Variants in MBOAT2 observed in about 807,000 individuals in gnomAD.
MBOAT2 encodes membrane bound glycerophospholipid O-acyltransferase 2.
MBOAT2 carries 28 observed loss-of-function variants against 63.4 expected under a neutral mutation model. The ratio of observed to expected loss-of-function variants is 0.44; its 90% CI spans 0.33 to 0.61. The LOEUF is 0.61. Among genes scored for constraint, MBOAT2 ranks in the 20% least tolerant of loss-of-function variants. The pLI is 0.03. For missense variants in MBOAT2, 470 were observed against 605.8 expected, an observed-to-expected ratio of 0.78 and a Z score of 2.35; for synonymous variants, 211 against 215.6, an observed-to-expected ratio of 0.98 and a Z score of 0.19.
intron 1 of MBOAT2, among the ~76,000 whole-genome samples, chr2:8,970,213 A>T (rs1446441422): frequency 6.6e-6 from 1 of 152,240 alleles, no homozygotes; most frequent in Non-Finnish European, 1.5e-5. Flanking sequence ...AGCATTAAGA[A>T]ACTCACTCAA....
intron 1 of MBOAT2, among the ~76,000 whole-genome samples, chr2:8,964,354 T>C (rs529588555): frequency 1.3e-5 from 2 of 152,154 alleles, no homozygotes; most frequent in South Asian, 2.1e-4. Flanking sequence ...CTGACATTTA[T>C]CTATGTTGAT....
At chr2:8,909,990 T>C (rs1665596820) in intron 3 of MBOAT2, among the ~76,000 whole-genome samples, 1 of 152,230 alleles carries the variant, frequency 6.6e-6, no homozygotes, top group Non-Finnish European at 1.5e-5. Flanking sequence ...GCTGGCCTTC[T>C]AACTGCACAG....
chr2:8,936,585 C>T (rs961787071), intron 3 of MBOAT2, among the ~76,000 whole-genome samples: 4 of 151,872 alleles, frequency 2.6e-5, no homozygotes, highest in African/African-American at 9.7e-5. Flanking sequence ...AGTTCAAGAC[C>T]AGCCTGGCCA....
intron 2 of MBOAT2, 97 bp downstream of exon 2, chr2:8,958,400 T>C: frequency 5.8e-6 from 7 of 1,211,588 alleles, no homozygotes; most frequent in Non-Finnish European, 7.6e-6. Flanking sequence ...TAAGTAAATA[T>C]AAGAACAAAA....
chr2:8,939,329 C>T (rs1476199523), intron 3 of MBOAT2, among the ~76,000 whole-genome samples: 3 of 152,310 alleles, frequency 2.0e-5, no homozygotes, highest in African/African-American at 4.8e-5. Flanking sequence ...TCCGAAGCCC[C>T]GACAAGGTGG....
intron 2 of MBOAT2, among the ~76,000 whole-genome samples, chr2:8,945,642 C>G (rs1365303987): frequency 1.3e-5 from 2 of 152,156 alleles, no homozygotes; most frequent in Non-Finnish European, 2.9e-5. Context: ...CTGGCTGATT[C>G]TCTAAGGAAT....
At chr2:8,993,137 T>C (rs1672032524) in intron 1 of MBOAT2, among the ~76,000 whole-genome samples, 1 of 152,228 alleles carries the variant, frequency 6.6e-6, no homozygotes, top group Admixed American at 6.5e-5. Context: ...AAGCTTCTTT[T>C]TCCAACCACA....
At chr2:8,949,636 C>T (rs1668675297) in intron 2 of MBOAT2, among the ~76,000 whole-genome samples, 1 of 152,016 alleles carries the variant, frequency 6.6e-6, no homozygotes, top group Admixed American at 6.5e-5. Flanking sequence ...ATTTTGTTGA[C>T]AATTAGATGG....
chr2:8,952,005 G>A (rs556303016), intron 2 of MBOAT2, among the ~76,000 whole-genome samples: 2 of 152,028 alleles, frequency 1.3e-5, no homozygotes, highest in African/African-American at 4.8e-5. Flanking sequence ...AGTTCCTCTA[G>A]GTGTGATGTT....
chr2:8,912,363 A>AAG (rs1329243077), intron 3 of MBOAT2, among the ~76,000 whole-genome samples: 1,728 of 93,896 alleles, frequency 0.018, 6 homozygotes, highest in Non-Finnish European at 0.023. Flanking sequence ...GAAAGAAAGA[A>AAG]AGAAAGAAAG....
intron 3 of MBOAT2, among the ~76,000 whole-genome samples, chr2:8,924,159 C>A (rs2148613621): frequency 6.6e-6 from 1 of 152,314 alleles, no homozygotes; most frequent in East Asian, 1.9e-4. Flanking sequence ...CAGCACAAGA[C>A]AGCCATGCCA....
rs535356616 is a variant in MBOAT2 at position 8,882,372 on chromosome 2, G to C, written c.506+139C>G. 5.0e-6 allele frequency: 4 copies of C among 795,766 alleles called. No homozygotes were observed. The South Asian group carries it at 5.3e-5, about 11-fold the overall frequency. 49.3% of individuals were successfully genotyped at this position (795,766 alleles called of 1,614,324 possible). A position where few individuals can be genotyped will look rare whatever the true frequency, so the allele number is the denominator to read the frequency against. Reference sequence around the variant, plus strand: ...CTGCCCAGCAGGCTTTGGCAGGAGGGAAGTGCATGGAGAGAGTGAGGCTTG... The same window carrying C: ...CTGCCCAGCAGGCTTTGGCAGGAGGCAAGTGCATGGAGAGAGTGAGGCTTG... On this transcript the variant is annotated intron_variant, in intron 6 of 12. Coordinates refer to ENST00000305997, the MANE Select transcript of MBOAT2 (RefSeq NM_138799.4).
chr2:8,901,023 C>T (rs1664881634), intron 4 of MBOAT2, among the ~76,000 whole-genome samples: 1 of 152,140 alleles, frequency 6.6e-6, no homozygotes, highest in African/African-American at 2.4e-5. Flanking sequence ...AAGACAAAAC[C>T]ACCCATGGTT....
At chr2:8,878,708 G>T (rs1662882835) in intron 6 of MBOAT2, among the ~76,000 whole-genome samples, 1 of 152,198 alleles carries the variant, frequency 6.6e-6, no homozygotes, top group African/African-American at 2.4e-5. Flanking sequence ...CTGTCCATCT[G>T]ATACTATCTG....
intron 1 of MBOAT2, among the ~76,000 whole-genome samples, chr2:8,971,084 T>C (rs1236347599): frequency 6.6e-6 from 1 of 152,156 alleles, no homozygotes; most frequent in Non-Finnish European, 1.5e-5. Flanking sequence ...TTTAGACCAA[T>C]ATCCCTGATG....
Position 9,003,552 on chromosome 2 carries a change from C to T in MBOAT2, c.63G>A (p.Leu21=). 1 of 1,225,136 alleles carries T rather than the reference C, an allele frequency of 8.2e-7. No homozygotes were observed. The allele number at this position is 1,225,136 out of a possible 1,614,324, so 75.9% of individuals were successfully genotyped here. ...CGCCTCGGGGTACCTGGTCGATGGGCAGCTGCACGGCGTTGCTGAGGGGCT... is the reference window on the plus strand; with the variant it reads ...CGCCTCGGGGTACCTGGTCGATGGGTAGCTGCACGGCGTTGCTGAGGGGCT... ...LLQPLSNAVQ[L]PIDQVNFVVC... is the part of the protein sequence containing the mutation. Residue 21 remains leucine (L), a synonymous_variant, in exon 1 of 13, where the codon CTG becomes CTA. Transcript: ENST00000305997. The surrounding 1 kb of genome is among the most constrained non-coding windows in gnomAD (Gnocchi z 5.4).
chr2:8,906,121 T>C (rs1256022675), intron 4 of MBOAT2, among the ~76,000 whole-genome samples: 2 of 152,090 alleles, frequency 1.3e-5, no homozygotes, highest in Non-Finnish European at 2.9e-5. Context: ...ACCATGCCTA[T>C]TTAATTTTTT....
At position 8,922,812 on chromosome 2, in the gene MBOAT2, C is replaced by T. The variant is rs116820839; in HGVS notation, c.300-14096G>A. ...GAGATCTTATCAAGTCCCTTGATGG[C>T]TCTCTCACTTCCAAGATCTCCCTGT... On this transcript the variant is annotated intron_variant, in intron 3 of 12. Coordinates refer to ENST00000305997, the MANE Select transcript of MBOAT2 (RefSeq NM_138799.4). Among the ~76,000 whole-genome samples the T allele has an allele frequency of 6.1e-3, 931 of 152,282 alleles. 9 individuals carry two copies. Among genetic ancestry groups the T allele is most frequent in the African/African-American group, 0.021 (876 of 41,548 alleles).
At chr2:9,002,866 G>A (rs1194555859) in intron 1 of MBOAT2, among the ~76,000 whole-genome samples, 6 of 152,146 alleles carry the variant, frequency 3.9e-5, no homozygotes, top group African/African-American at 9.7e-5. Context: ...AATCTACAAG[G>A]TTGCCACTTT....
Sources: gnomAD v4.1 joint callset for allele counts (sites outside exome capture counted in the v4.1 genomes callset) on GRCh38, gnomAD v4.1.1 for gene constraint, Gnocchi (gnomAD v3.1) non-coding constraint, MANE v1.5 for transcripts, NCBI Gene and HGNC (gene_info 2026-07-23, HGNC 2026-07-21) for gene names.